TNNT1: variants seen among roughly 807,000 people sequenced by gnomAD.
TNNT1 encodes the protein troponin T1, slow skeletal type.
A neutral mutation model predicts 50.6 loss-of-function variants in TNNT1; 53 were observed. That is an observed-to-expected ratio of 1.05 (90% CI 0.84 to 1.32). TNNT1 has a LOEUF of 1.32. TNNT1 is among the 40% of genes most tolerant of loss of function. The pLI is 0.00. For synonymous variants in TNNT1, 142 were observed against 138.0 expected (o/e 1.03, Z -0.20); for missense variants, 348 against 381.7 (o/e 0.91, Z 0.74).
At chr19:55,143,347 A>G (rs2085492926) in intron 6 of TNNT1, among the ~76,000 whole-genome samples, 1 of 152,042 alleles carries the variant, frequency 6.6e-6, no homozygotes, top group South Asian at 2.1e-4. Flanking sequence ...ATCTATTTCT[A>G]TTGGGTGGTG....
intron 11 of TNNT1, among the ~76,000 whole-genome samples, chr19:55,136,719 A>G (rs1193856073): frequency 2.0e-5 from 3 of 152,192 alleles, no homozygotes; most frequent in Admixed American, 1.3e-4. Flanking sequence ...TGTCTTGGCT[A>G]TAGATGCGAG....
At chr19:55,133,418 G>A (rs1008052023) in intron 13 of TNNT1, 29 of 289,702 alleles carry the variant, frequency 1.0e-4, no homozygotes, top group African/African-American at 1.5e-4. Context: ...GGTGGCTCAC[G>A]CCTGTAATCC....
chr19:55,146,728 G>A (rs1359381050), intron 3 of TNNT1, 21 bp from the exon 4 acceptor site: 3 of 1,498,506 alleles, frequency 2.0e-6, no homozygotes, highest in Admixed American at 2.3e-5. Context: ...GGGCACAGAA[G>A]AGAAGGCGTT....
chr19:55,146,523 G>A, intron 4 of TNNT1, 57 bp from the exon 5 acceptor site: 2 of 1,164,336 alleles, frequency 1.7e-6, no homozygotes, highest in Non-Finnish European at 2.3e-6. Flanking sequence ...GAGCGGCCAC[G>A]CCCGGGCGCG....
In TNNT1 at chr19:55,132,887, C is replaced by T. The variant is rs765770031; in HGVS notation, c.*28G>A. 2.4e-5 allele frequency: 38 copies of T among 1,592,626 alleles called. No homozygotes were observed. The South Asian group carries it at 3.8e-4, about 16-fold the overall frequency. ...GATGGGACAAACACTCCCAGGCTTC[C>T]CAGGTGCCACTGTCCGGGGCGGCAT... On this transcript the variant is annotated 3_prime_UTR_variant, in exon 14 of 14. Transcript: ENST00000588981.
At chr19:55,139,238 G>A (rs1285470394) in intron 9 of TNNT1, among the ~76,000 whole-genome samples, 4 of 152,194 alleles carry the variant, frequency 2.6e-5, no homozygotes, top group Admixed American at 1.3e-4. Flanking sequence ...GGCCTCAGGT[G>A]ATCCACTTGT....
chr19:55,139,768 A>G (rs1385732997), intron 9 of TNNT1, among the ~76,000 whole-genome samples: 1 of 150,914 alleles, frequency 6.6e-6, no homozygotes, highest in Non-Finnish European at 1.5e-5. Flanking sequence ...GGAGTTTGGG[A>G]ACAACGTGGG....
chr19:55,135,414 C>CTTT lies in TNNT1; in HGVS notation c.612-1213_612-1211dup, dbSNP rs112550851. 1,270 of 223,020 alleles carry CTTT rather than the reference C, an allele frequency of 5.7e-3. 23 individuals are homozygous for CTTT. Among genetic ancestry groups the CTTT allele is most frequent in the African/African-American group, 0.03 (1,213 of 40,174 alleles). 13.8% of individuals were successfully genotyped at this position (223,020 alleles called of 1,614,324 possible). On this transcript the variant is annotated intron_variant, in intron 11 of 13. Coordinates refer to ENST00000588981, the MANE Select transcript of TNNT1 (RefSeq NM_003283.6). ...CTTCCTTCCTTCTTTTCTTTCTTTT[C>CTTT]TTTTTTTTTTGATAGGGTCTCACTT...
At chr19:55,136,497 C>T (rs182843705) in intron 11 of TNNT1, among the ~76,000 whole-genome samples, 3 of 152,306 alleles carry the variant, frequency 2.0e-5, no homozygotes, top group Admixed American at 6.5e-5. Flanking sequence ...AGTCAGATAA[C>T]GTGCGCAAGA....
At chr19:55,133,182 G>A (rs912311286) in intron 13 of TNNT1, among the ~76,000 whole-genome samples, 6 of 151,956 alleles carry the variant, frequency 3.9e-5, no homozygotes, top group Admixed American at 2.6e-4. Flanking sequence ...ATTTGGGGGC[G>A]AGTGCAGGGT....
intron 1 of TNNT1, chr19:55,148,236 G>C (rs969191618): frequency 1.3e-5 from 2 of 151,936 alleles, no homozygotes; most frequent in Admixed American, 1.3e-4. Flanking sequence ...ATTTGAGGAA[G>C]GGGGGCTTCT....
intron 1 of TNNT1, among the ~76,000 whole-genome samples, chr19:55,148,263 C>T (rs941782831): frequency 2.0e-5 from 3 of 151,870 alleles, no homozygotes; most frequent in African/African-American, 4.8e-5. Context: ...ATTAGTCACC[C>T]GCATCCCCTC....
chr19:55,135,380 C>T, intron 11 of TNNT1: 1 of 185,662 alleles, frequency 5.4e-6, no homozygotes, highest in Non-Finnish European at 9.6e-6. Context: ...ACCTACCTTT[C>T]CTTCCTTCCT....
chr19:55,132,749 T>A lies in TNNT1; in HGVS notation c.*166A>T. 1 of 683,712 alleles carries A rather than the reference T, an allele frequency of 1.5e-6. No homozygotes were observed. Among genetic ancestry groups the A allele is most frequent in the Non-Finnish European group, 2.6e-6 (1 of 383,676 alleles). The allele number at this position is 683,712 out of a possible 1,614,324, so 42.4% of individuals were successfully genotyped here. A position where few individuals can be genotyped will look rare whatever the true frequency, so the allele number is the denominator to read the frequency against. The stretch of plus-strand genomic sequence containing the variant: ...TGATTATTGGTGACACTCTTTCAAG[T>A]AACTTGTTGGTAATAAGAAGTCAAT... On this transcript the variant is annotated 3_prime_UTR_variant, in exon 14 of 14. Coordinates refer to ENST00000588981, the MANE Select transcript of TNNT1 (RefSeq NM_003283.6).
At position 55,135,833 on chromosome 19, in the gene TNNT1, T is replaced by C. The variant is rs538487295; in HGVS notation, c.611+1270A>G. 2.0e-5 allele frequency among the ~76,000 whole-genome samples: 3 copies of C among 152,178 alleles called. No individual in the cohort carries two copies. The East Asian group carries it at 5.8e-4, about 30-fold the overall frequency. On this transcript the variant is annotated intron_variant, in intron 11 of 13. Coordinates refer to ENST00000588981, the MANE Select transcript of TNNT1 (RefSeq NM_003283.6). ...GCCGCGCCCGCCCGGCCAACAATAC[T>C]TTACATGAACCATGTGCACAGGAAG...
chr19:55,143,768 CTT>C (rs1209414668), intron 6 of TNNT1, among the ~76,000 whole-genome samples: 1 of 152,132 alleles, frequency 6.6e-6, no homozygotes, highest in Non-Finnish European at 1.5e-5. Context: ...ACTCCAATGA[CTT>C]CAGGTATCAT....
chr19:55,146,834 T>TC, intron 3 of TNNT1, 127 bp from the exon 4 acceptor site: 1 of 1,168,392 alleles, frequency 8.6e-7, no homozygotes, highest in Non-Finnish European at 1.2e-6. Flanking sequence ...ATGGGCACGT[T>TC]CCCCCTGGCG....
At chr19:55,139,603 C>T (rs1195548423) in intron 9 of TNNT1, among the ~76,000 whole-genome samples, 1 of 152,112 alleles carries the variant, frequency 6.6e-6, no homozygotes, top group Non-Finnish European at 1.5e-5. Flanking sequence ...TTGTGATGAT[C>T]TTGCCCTTCC....
At chr19:55,134,296 G>T in intron 11 of TNNT1, 92 bp from the exon 12 acceptor site, 1 of 1,291,698 alleles carries the variant, frequency 7.7e-7, no homozygotes, top group Non-Finnish European at 1.1e-6. Context: ...AGCGTTGTCG[G>T]CACCATTTTG....
Sources: gnomAD v4.1 joint callset for allele counts (sites outside exome capture counted in the v4.1 genomes callset) on GRCh38, gnomAD v4.1.1 for gene constraint, MANE v1.5 for transcripts, NCBI Gene and HGNC (gene_info 2026-07-23, HGNC 2026-07-21) for gene names.